SMOC2: variants seen among roughly 807,000 people sequenced by gnomAD.
SMOC2 encodes the protein SPARC related modular calcium binding 2.
SMOC2 carries 39 observed loss-of-function variants against 61.4 expected under a neutral mutation model. The observed-to-expected ratio is 0.64, with a 90% confidence interval of 0.49 to 0.83. SMOC2 has a LOEUF of 0.83. Ranked by LOEUF, SMOC2 falls within the 40% of genes least tolerant of loss-of-function variation. The pLI is 0.00. For missense variants in SMOC2, 556 were observed against 592.9 expected, an observed-to-expected ratio of 0.94 and a Z score of 0.65; for synonymous variants, 247 against 239.9, an observed-to-expected ratio of 1.03 and a Z score of -0.27.
At position 168,453,152 on chromosome 6, in the gene SMOC2, G is replaced by C. The variant is rs906561457; in HGVS notation, c.84+11698G>C. On this transcript the variant is annotated intron_variant, in intron 1 of 12. Coordinates refer to ENST00000356284, the MANE Select transcript of SMOC2 (RefSeq NM_001166412.2). The surrounding 1 kb of genome is among the most constrained non-coding windows in gnomAD (Gnocchi z 4.4). Reference sequence around the variant, plus strand: ...GCAGTGTGGCTTGAATCTGCTGTCCGACGCAGGCAGGTGCAGGCTGTTCTA... The same window carrying C: ...GCAGTGTGGCTTGAATCTGCTGTCCCACGCAGGCAGGTGCAGGCTGTTCTA... Among the ~76,000 whole-genome samples the C allele has an allele frequency of 4.0e-5, 6 of 151,766 alleles. No individual in the cohort carries two copies. Among genetic ancestry groups the C allele is most frequent in the African/African-American group, 7.3e-5 (3 of 41,338 alleles).
At chr6:168,467,857 T>G (rs1394201673) in intron 1 of SMOC2, among the ~76,000 whole-genome samples, 1 of 152,264 alleles carries the variant, frequency 6.6e-6, no homozygotes, top group Non-Finnish European at 1.5e-5. Flanking sequence ...TTGATACTCC[T>G]AGTATGCTAT....
At chr6:168,502,976 C>T (rs1782770578) in intron 1 of SMOC2, among the ~76,000 whole-genome samples, 1 of 150,632 alleles carries the variant, frequency 6.6e-6, no homozygotes, top group Non-Finnish European at 1.5e-5. Flanking sequence ...CTGTGTTAGC[C>T]AGGATGGTCT....
rs996334631 is a variant in SMOC2 at position 168,475,410 on chromosome 6, G to A, written c.84+33956G>A. 1.3e-5 allele frequency among the ~76,000 whole-genome samples: 2 copies of A among 152,144 alleles called. No individual in the cohort carries two copies. Among genetic ancestry groups the A allele is most frequent in the Non-Finnish European group, 1.5e-5 (1 of 68,022 alleles). ...CCAGGCACAGGTGGAAACACGTGGT[G>A]CGTACAACCTTGCTCAATCCCTCCC... is the stretch of plus-strand genomic sequence containing the variant. On this transcript the variant is annotated intron_variant, in intron 1 of 12. Coordinates refer to ENST00000356284, the MANE Select transcript of SMOC2 (RefSeq NM_001166412.2). The surrounding 1 kb of genome is among the most constrained non-coding windows in gnomAD (Gnocchi z 4.6).
At chr6:168,532,339 C>T (rs572960890) in intron 4 of SMOC2, among the ~76,000 whole-genome samples, 2 of 152,234 alleles carry the variant, frequency 1.3e-5, no homozygotes, top group East Asian at 3.9e-4. Context: ...GGATTGGGGG[C>T]CAGCTCCACG....
At chr6:168,569,620 T>A (rs1443322395) in intron 7 of SMOC2, among the ~76,000 whole-genome samples, 1 of 152,134 alleles carries the variant, frequency 6.6e-6, no homozygotes, top group African/African-American at 2.4e-5. Context: ...TTTATTTTTA[T>A]TTTTGTAGAG....
Position 168,546,108 on chromosome 6 carries a change from T to C in SMOC2, c.512-1011T>C, listed in dbSNP as rs142960135. 3.9e-4 allele frequency among the ~76,000 whole-genome samples: 59 copies of C among 152,276 alleles called. No individual in the cohort carries two copies. In the East Asian group the frequency reaches 4.8e-3, roughly 12 times the overall value. ...TTGATTTTCCCCCTAAAAAGTCTTA[T>C]AAGAAACTTTATTCTTTAGACCACT... On this transcript the variant is annotated intron_variant, in intron 5 of 12. Transcript: ENST00000356284.
At position 168,666,687 on chromosome 6, in the gene SMOC2, A is replaced by C. The variant is rs1430771016; in HGVS notation, c.*249A>C. Reference sequence around the variant, plus strand: ...CTTGGAAATCTGTATGTGGTGGAGAAGTATTTGAATGCATTTAGGCTTAAT... The same window carrying C: ...CTTGGAAATCTGTATGTGGTGGAGACGTATTTGAATGCATTTAGGCTTAAT... On this transcript the variant is annotated 3_prime_UTR_variant, in exon 13 of 13. Transcript: ENST00000356284. 1.4e-5 allele frequency: 8 copies of C among 554,028 alleles called. No individual in the cohort carries two copies. The highest frequency in any genetic ancestry group is 2.6e-5 in the Non-Finnish European group (8 of 306,784). 34.3% of individuals were successfully genotyped at this position (554,028 alleles called of 1,614,324 possible).
intron 2 of SMOC2, among the ~76,000 whole-genome samples, chr6:168,514,818 C>T (rs975782239): frequency 2.6e-5 from 4 of 152,144 alleles, no homozygotes; most frequent in Non-Finnish European, 5.9e-5. Flanking sequence ...AAGAAGCTTC[C>T]GCTTTAGCCG....
Position 168,455,087 on chromosome 6 carries a change from C to T in SMOC2, c.84+13633C>T, listed in dbSNP as rs903610766. Among the ~76,000 whole-genome samples, 4 of 151,870 alleles carry T rather than the reference C, an allele frequency of 2.6e-5. No homozygotes were observed. The South Asian group carries it at 6.3e-4, about 24-fold the overall frequency. ...CTTGTTAGGGGCCCCTGCAGGGTGCCGGGGCGGAGTGAGGACGGGCTGCCA... is the reference window on the plus strand; with the variant it reads ...CTTGTTAGGGGCCCCTGCAGGGTGCTGGGGCGGAGTGAGGACGGGCTGCCA... On this transcript the variant is annotated intron_variant, in intron 1 of 12. Coordinates refer to ENST00000356284, the MANE Select transcript of SMOC2 (RefSeq NM_001166412.2).
At chr6:168,551,948 T>A (rs1414879106) in intron 7 of SMOC2, among the ~76,000 whole-genome samples, 2 of 152,162 alleles carry the variant, frequency 1.3e-5, no homozygotes, top group East Asian at 3.9e-4. Context: ...TGGTATTTAG[T>A]GGGACTGAAA....
chr6:168,624,980 C>A, intron 9 of SMOC2, among the ~76,000 whole-genome samples: 1 of 152,124 alleles, frequency 6.6e-6, no homozygotes, highest in Admixed American at 6.5e-5. Flanking sequence ...CACACCACCA[C>A]CACCACCAGC....
At chr6:168,545,786 G>A (rs893423814) in intron 5 of SMOC2, among the ~76,000 whole-genome samples, 1 of 152,192 alleles carries the variant, frequency 6.6e-6, no homozygotes. Flanking sequence ...TGAGGCCTCA[G>A]CAAAAACACA....
intron 9 of SMOC2, among the ~76,000 whole-genome samples, chr6:168,644,878 G>C (rs1332118506): frequency 6.6e-6 from 1 of 151,904 alleles, no homozygotes; most frequent in Non-Finnish European, 1.5e-5. Flanking sequence ...TCAAACTCCT[G>C]ACCTCAAGTG....
At chr6:168,537,086 C>A (rs1399094405) in intron 4 of SMOC2, among the ~76,000 whole-genome samples, 1 of 152,262 alleles carries the variant, frequency 6.6e-6, no homozygotes, top group East Asian at 1.9e-4. Flanking sequence ...CTGGCTCATG[C>A]CAAGGAGACC....
intron 7 of SMOC2, among the ~76,000 whole-genome samples, chr6:168,575,843 T>C (rs1223822439): frequency 6.6e-6 from 1 of 150,944 alleles, no homozygotes; most frequent in Middle Eastern, 3.2e-3. Flanking sequence ...ACTTCCTTGA[T>C]CATCACTCAG....
chr6:168,446,694 TA>T (rs1781340246), intron 1 of SMOC2, among the ~76,000 whole-genome samples: 1 of 152,190 alleles, frequency 6.6e-6, no homozygotes, highest in Non-Finnish European at 1.5e-5. Context: ...AAAGTGAAAA[TA>T]ACAGACATTC....
intron 9 of SMOC2, among the ~76,000 whole-genome samples, chr6:168,614,262 G>GA: frequency 1.4e-5 from 1 of 69,338 alleles, no homozygotes; most frequent in African/African-American, 6.2e-5. Flanking sequence ...GCCAGCACAG[G>GA]GCCTCTTTAT....
Position 168,608,297 on chromosome 6 carries a change from C to A in SMOC2, c.907+58C>A, listed in dbSNP as rs1785766166. On this transcript the variant is annotated intron_variant, in intron 9 of 12. Coordinates refer to ENST00000356284, the MANE Select transcript of SMOC2 (RefSeq NM_001166412.2). ...ACAGGCCCCACCATGCAGTTTCTTG[C>A]AAATTTGGAATGAAAAAGACTTTAT... 7.8e-6 allele frequency: 12 copies of A among 1,546,468 alleles called. No homozygotes were observed. In the South Asian group the frequency reaches 1.4e-4, roughly 18 times the overall value.
At chr6:168,558,215 A>G (rs1784293160) in intron 7 of SMOC2, among the ~76,000 whole-genome samples, 1 of 152,230 alleles carries the variant, frequency 6.6e-6, no homozygotes, top group Admixed American at 6.5e-5. Flanking sequence ...CTGCAGGCAG[A>G]GCCGCAACCT....
Sources: allele counts gnomAD v4.1 joint callset (sites outside exome capture counted in the v4.1 genomes callset), GRCh38; gene constraint gnomAD v4.1.1; non-coding constraint Gnocchi (gnomAD v3.1); transcripts MANE v1.5; gene names NCBI Gene and HGNC (gene_info 2026-07-23, HGNC 2026-07-21).